Variants in ADAMTSL1 observed in about 807,000 individuals in gnomAD.
ADAMTSL1 encodes the protein ADAMTS-like protein 1.
A neutral mutation model predicts 201.8 loss-of-function variants in ADAMTSL1; 126 were observed. The observed-to-expected ratio is 0.62, with a 90% CI of 0.54 to 0.72. The LOEUF is 0.72. ADAMTSL1 is among the 30% of genes least tolerant of loss of function. The pLI is 0.00. For missense variants in ADAMTSL1, 2,679 were observed against 2,277.8 expected (o/e 1.18, Z -3.59); for synonymous variants, 1,121 against 903.4 (o/e 1.24, Z -4.32).
At chr9:18,173,998 C>T (rs1012395049) in intron 2 of ADAMTSL1, among the ~76,000 whole-genome samples, 8 of 152,032 alleles carry the variant, frequency 5.3e-5, no homozygotes, top group Admixed American at 1.3e-4. Flanking sequence ...CACTCTGAAA[C>T]GAATGATGAA....
At chr9:18,727,198 GC>G (rs1817945596) in intron 15 of ADAMTSL1, among the ~76,000 whole-genome samples, 1 of 152,210 alleles carries the variant, frequency 6.6e-6, no homozygotes, top group Non-Finnish European at 1.5e-5. Flanking sequence ...ATTTGATGGA[GC>G]TTTCAAAGCC....
chr9:18,817,059 A>T (rs1177651658), intron 20 of ADAMTSL1, 50 bp from the exon 21 acceptor site: 1 of 1,595,230 alleles, frequency 6.3e-7, no homozygotes, highest in East Asian at 2.2e-5. Flanking sequence ...GAGTGCCCCA[A>T]TTTCCACAGT....
chr9:18,269,353 G>C (rs1052886912), intron 2 of ADAMTSL1, among the ~76,000 whole-genome samples: 4 of 152,070 alleles, frequency 2.6e-5, no homozygotes, highest in Non-Finnish European at 4.4e-5. Context: ...TTACATGAAG[G>C]AATAACATTG....
intron 4 of ADAMTSL1, among the ~76,000 whole-genome samples, chr9:18,591,852 G>T (rs1228444345): frequency 6.6e-6 from 1 of 152,202 alleles, no homozygotes; most frequent in Non-Finnish European, 1.5e-5. Context: ...CCTGCTGGTT[G>T]TGGAGGCATT....
chr9:18,203,729 G>A (rs1178408161), intron 2 of ADAMTSL1, among the ~76,000 whole-genome samples: 1 of 152,124 alleles, frequency 6.6e-6, no homozygotes, highest in African/African-American at 2.4e-5. Context: ...ATCTGGAAAG[G>A]TAAGACTGGA....
At chr9:18,016,776 T>C (rs1347918472) in intron 1 of ADAMTSL1, among the ~76,000 whole-genome samples, 1 of 152,076 alleles carries the variant, frequency 6.6e-6, no homozygotes, top group Non-Finnish European at 1.5e-5. Context: ...AATTGGTGGA[T>C]GGCCAGCAGA....
At chr9:18,717,725 G>A (rs1330493517) in intron 14 of ADAMTSL1, among the ~76,000 whole-genome samples, 1 of 152,162 alleles carries the variant, frequency 6.6e-6, no homozygotes, top group Non-Finnish European at 1.5e-5. Context: ...AGTAATACTG[G>A]ATGTAGTCTC....
chr9:18,412,986 C>G (rs1167331733), intron 2 of ADAMTSL1, among the ~76,000 whole-genome samples: 1 of 151,940 alleles, frequency 6.6e-6, no homozygotes, highest in African/African-American at 2.4e-5. Context: ...GTTTTCTATA[C>G]ACATTGCCTT....
At chr9:18,143,339 T>G (rs1428952844) in intron 1 of ADAMTSL1, among the ~76,000 whole-genome samples, 1 of 152,190 alleles carries the variant, frequency 6.6e-6, no homozygotes, top group African/African-American at 2.4e-5. Context: ...ATTGAAGGAT[T>G]TTAAAAAGTG....
chr9:18,086,714 G>T (rs1483531557), intron 1 of ADAMTSL1, among the ~76,000 whole-genome samples: 1 of 152,186 alleles, frequency 6.6e-6, no homozygotes, highest in African/African-American at 2.4e-5. Context: ...GCATTTAAAT[G>T]ATTTTGTACA....
At chr9:18,184,126 A>C (rs1001650955) in intron 2 of ADAMTSL1, among the ~76,000 whole-genome samples, 1 of 152,200 alleles carries the variant, frequency 6.6e-6, no homozygotes, top group Admixed American at 6.5e-5. Flanking sequence ...TTTTCTTTGA[A>C]TGGATTCCAA....
chr9:18,036,887 A>G (rs1452188144), intron 1 of ADAMTSL1, among the ~76,000 whole-genome samples: 4 of 151,960 alleles, frequency 2.6e-5, no homozygotes, highest in African/African-American at 7.3e-5. Context: ...GTGTCCTGCT[A>G]TTTTCTGGTT....
At chr9:18,670,569 G>A (rs1159007609) in intron 9 of ADAMTSL1, among the ~76,000 whole-genome samples, 1 of 152,216 alleles carries the variant, frequency 6.6e-6, no homozygotes, top group Non-Finnish European at 1.5e-5. Context: ...AACAGTGGCA[G>A]TTTGGGAGTT....
At chr9:18,612,147 A>G (rs1420121754) in intron 4 of ADAMTSL1, among the ~76,000 whole-genome samples, 2 of 152,220 alleles carry the variant, frequency 1.3e-5, no homozygotes, top group African/African-American at 4.8e-5. Context: ...CTTGGAAATA[A>G]TGAGCATTTA....
chr9:18,489,972 C>A (rs563213384), intron 1 of ADAMTSL1, among the ~76,000 whole-genome samples: 1 of 152,168 alleles, frequency 6.6e-6, no homozygotes, highest in African/African-American at 2.4e-5. Flanking sequence ...CAAATAAGTA[C>A]GTGTAAGTAC....
At chr9:18,313,367 C>T (rs530816420) in intron 2 of ADAMTSL1, among the ~76,000 whole-genome samples, 1 of 152,240 alleles carries the variant, frequency 6.6e-6, no homozygotes, top group African/African-American at 2.4e-5. Flanking sequence ...TACCTCACCC[C>T]AGGTGAGTTA....
chr9:18,471,925 T>C (rs955713517), upstream of ADAMTSL1, among the ~76,000 whole-genome samples: 1 of 152,216 alleles, frequency 6.6e-6, no homozygotes, highest in African/African-American at 2.4e-5. Context: ...ATGTAAGTGG[T>C]TCCCAGTTAT....
At chr9:17,983,868 G>A (rs1261756647) in intron 1 of ADAMTSL1, among the ~76,000 whole-genome samples, 2 of 151,942 alleles carry the variant, frequency 1.3e-5, no homozygotes, top group Non-Finnish European at 2.9e-5. Context: ...GTATAAAAGG[G>A]GATGTTTAAT....
chr9:18,372,709 G>A (rs1837100184), intron 2 of ADAMTSL1, among the ~76,000 whole-genome samples: 1 of 152,138 alleles, frequency 6.6e-6, no homozygotes, highest in Non-Finnish European at 1.5e-5. Context: ...TTAATTGAAG[G>A]CTTGCTCCCA....
Sources: allele counts gnomAD v4.1 joint callset (sites outside exome capture counted in the v4.1 genomes callset), GRCh38; gene constraint gnomAD v4.1.1; transcripts MANE v1.5; gene names NCBI Gene and HGNC (gene_info 2026-07-23, HGNC 2026-07-21).